Variants in SLC25A36 observed in about 807,000 individuals in gnomAD.
SLC25A36 encodes the protein solute carrier family 25 member 36.
SLC25A36 carries 24 observed loss-of-function variants against 35.3 expected under a neutral mutation model. The observed-to-expected ratio is 0.68, with a 90% CI of 0.49 to 0.96. SLC25A36 has a LOEUF of 0.96. Among genes scored for constraint, SLC25A36 ranks in the 40% least tolerant of loss-of-function variants. The pLI is 0.00. For synonymous variants in SLC25A36, 141 were observed against 132.2 expected, an observed-to-expected ratio of 1.07 and a Z score of -0.46; for missense variants, 294 against 381.1, an observed-to-expected ratio of 0.77 and a Z score of 1.90.
chr3:140,960,973 C>G (rs376882855), intron 3 of SLC25A36, among the ~76,000 whole-genome samples: 3 of 152,252 alleles, frequency 2.0e-5, no homozygotes, highest in African/African-American at 7.2e-5. Flanking sequence ...AACATAACTT[C>G]GTCATTTTTC....
Position 140,977,578 on chromosome 3 carries a change from C to T in SLC25A36, c.*1125C>T, listed in dbSNP as rs1935080519. The T allele has an allele frequency of 6.6e-6, 1 of 152,078 alleles. No homozygotes were observed. Among genetic ancestry groups the T allele is most frequent in the African/African-American group, 2.4e-5 (1 of 41,420 alleles). The allele number at this position is 152,078 out of a possible 1,614,324, so 9.4% of individuals were successfully genotyped here. ...CAAGAAATTTATTCTGTCCTAGTTT[C>T]CTGCGTGGTAAATCATAGAAAGATT... On this transcript the variant is annotated 3_prime_UTR_variant, in exon 7 of 7. Transcript: ENST00000324194.
rs1935130908 is a variant in SLC25A36 at position 140,979,307 on chromosome 3, A to AAT, written c.*2854_*2855insAT. The AAT allele has an allele frequency of 6.6e-6, 1 of 152,176 alleles. No individual in the cohort carries two copies. The allele number at this position is 152,176 out of a possible 1,614,324, so 9.4% of individuals were successfully genotyped here. A position where few individuals can be genotyped will look rare whatever the true frequency, so the allele number is the denominator to read the frequency against. On this transcript the variant is annotated 3_prime_UTR_variant, in exon 7 of 7. Coordinates refer to ENST00000324194, the MANE Select transcript of SLC25A36 (RefSeq NM_001104647.3). ...GGGTTACAGACATTTCAGCATTTTT[A>AAT]GGTTGGTTTTAAATCACTAAAAATA...
chr3:140,977,936 A>G lies in SLC25A36; in HGVS notation c.*1483A>G, dbSNP rs1407949867. The G allele has an allele frequency of 1.3e-5, 2 of 152,088 alleles. No homozygotes were observed. The highest frequency in any genetic ancestry group is 2.9e-5 in the Non-Finnish European group (2 of 68,002). 9.4% of individuals were successfully genotyped at this position (152,088 alleles called of 1,614,324 possible). ...GAGAATACCATGTTAAGATTAAAAA[A>G]AAAAACAAAAACATTGGTCACGTAT... is the stretch of plus-strand genomic sequence containing the variant. On this transcript the variant is annotated 3_prime_UTR_variant, in exon 7 of 7. Transcript: ENST00000324194.
rs1039646296 is a variant in SLC25A36 at position 140,941,998 on chromosome 3, A to G, written c.-57A>G. The G allele has an allele frequency of 7.5e-6, 7 of 935,654 alleles. No individual in the cohort carries two copies. Among genetic ancestry groups the G allele is most frequent in the Non-Finnish European group, 1.0e-5 (6 of 600,606 alleles). The allele number at this position is 935,654 out of a possible 1,614,324, so 58.0% of individuals were successfully genotyped here. ...GTCCGGGACCGAAGCCGCCTGCCGT[A>G]GCGGGCGGCCAGATCCGCGTCCCGC... On this transcript the variant is annotated 5_prime_UTR_variant, in exon 1 of 7. Transcript: ENST00000324194.
At chr3:140,975,258 C>T (rs1012946249) in intron 6 of SLC25A36, among the ~76,000 whole-genome samples, 1 of 151,486 alleles carries the variant, frequency 6.6e-6, no homozygotes, top group Admixed American at 6.6e-5. Context: ...TGAGCTCAGG[C>T]CACTATGCCC....
intron 1 of SLC25A36, among the ~76,000 whole-genome samples, chr3:140,956,262 G>T (rs1934475111): frequency 1.3e-5 from 2 of 152,156 alleles, no homozygotes; most frequent in South Asian, 4.1e-4. Flanking sequence ...TACAATTTTA[G>T]TAACAGCACC....
In SLC25A36 at chr3:140,976,326, T is replaced by C; in HGVS notation, c.809T>C (p.Leu270Ser). Residue 270 changes from leucine to serine, a missense_variant, in exon 7 of 7, where the codon TTG becomes TCG. This residue lies in a region of SLC25A36 where 109 missense variants were observed against 179.7 expected (regional missense o/e 0.61). Coordinates refer to ENST00000324194, the MANE Select transcript of SLC25A36 (RefSeq NM_001104647.3). ...KYRSFFQTLS[L>S]LVQEEGYGSL... ...AGATCTTTTTTTCAGACTCTATCTTTGCTTGTTCAAGAAGAAGGTTATGGG... is the reference window on the plus strand; with the variant it reads ...AGATCTTTTTTTCAGACTCTATCTTCGCTTGTTCAAGAAGAAGGTTATGGG... 6.2e-7 allele frequency: 1 copy of C among 1,613,800 alleles called. No individual in the cohort carries two copies. The highest frequency in any genetic ancestry group is 8.5e-7 in the Non-Finnish European group (1 of 1,179,850).
At chr3:140,968,796 T>C in intron 4 of SLC25A36, 2 of 672,398 alleles carry the variant, frequency 3.0e-6, no homozygotes, top group South Asian at 6.7e-5. Context: ...ACTTAGGTGC[T>C]CATCTTCTTT....
chr3:140,979,669 C>T lies in SLC25A36; in HGVS notation c.*3216C>T, dbSNP rs1935139699. 1.3e-5 allele frequency: 2 copies of T among 152,086 alleles called. No individual in the cohort carries two copies. The highest frequency in any genetic ancestry group is 4.1e-4 in the South Asian group (2 of 4,822). 9.4% of individuals were successfully genotyped at this position (152,086 alleles called of 1,614,324 possible). On this transcript the variant is annotated 3_prime_UTR_variant, in exon 7 of 7. Coordinates refer to ENST00000324194, the MANE Select transcript of SLC25A36 (RefSeq NM_001104647.3). ...CCTACACACTGATTTTTATGCTACTCCTTGTAGAAACAAAATTCTGGTTTG... is the reference window on the plus strand; with the variant it reads ...CCTACACACTGATTTTTATGCTACTTCTTGTAGAAACAAAATTCTGGTTTG...
At chr3:140,972,148 C>T (rs753084162) in intron 5 of SLC25A36, among the ~76,000 whole-genome samples, 2 of 152,186 alleles carry the variant, frequency 1.3e-5, no homozygotes, top group Non-Finnish European at 2.9e-5. Flanking sequence ...GTACAAGATG[C>T]TAGTCCACAT....
rs575484113 is a variant in SLC25A36 at position 140,977,874 on chromosome 3, T to G, written c.*1421T>G. ...AGAATGACGCTTCGTGAAAGCACTT[T>G]GTGGCCTTTTTTGGGGGGGAGGGTG... is the stretch of plus-strand genomic sequence containing the variant. On this transcript the variant is annotated 3_prime_UTR_variant, in exon 7 of 7. Transcript: ENST00000324194. 6.6e-6 allele frequency: 1 copy of G among 151,944 alleles called. No homozygotes were observed. Among genetic ancestry groups the G allele is most frequent in the Non-Finnish European group, 1.5e-5 (1 of 67,982 alleles). The allele number at this position is 151,944 out of a possible 1,614,324, so 9.4% of individuals were successfully genotyped here.
At position 140,971,079 on chromosome 3, in the gene SLC25A36, ATTTG is replaced by A. The variant is rs1187801142; in HGVS notation, c.452+93_452+96del. ...AAGTTTTTCTTTCCTTTGCTGCTGAATTTGTTTGTTGTTGTAGTTTAATTTTGAA... is the reference window on the plus strand; with the variant it reads ...AAGTTTTTCTTTCCTTTGCTGCTGAATTTGTTGTTGTAGTTTAATTTTGAA... On this transcript the variant is annotated intron_variant, in intron 5 of 6. Transcript: ENST00000324194. 1.8e-5 allele frequency: 12 copies of A among 652,086 alleles called. No homozygotes were observed. The Admixed American group carries it at 2.7e-4, about 15-fold the overall frequency. 40.4% of individuals were successfully genotyped at this position (652,086 alleles called of 1,614,324 possible).
chr3:140,971,402 C>CT (rs111248313), intron 5 of SLC25A36, among the ~76,000 whole-genome samples: 4,614 of 152,206 alleles, frequency 0.03, 227 homozygotes, highest in African/African-American at 0.11. Flanking sequence ...ATTTAGTGAC[C>CT]TTGTGAATAG....
At chr3:140,962,671 C>T (rs980283326) in intron 3 of SLC25A36, among the ~76,000 whole-genome samples, 1 of 152,058 alleles carries the variant, frequency 6.6e-6, no homozygotes, top group Non-Finnish European at 1.5e-5. Context: ...AGTGCTCATA[C>T]CATATCTACT....
intron 1 of SLC25A36, among the ~76,000 whole-genome samples, chr3:140,953,832 T>TG (rs894665830): frequency 6.6e-6 from 1 of 152,160 alleles, no homozygotes; most frequent in African/African-American, 2.4e-5. Flanking sequence ...TAGCTGTGCA[T>TG]GGTGGCATGT....
intron 5 of SLC25A36, among the ~76,000 whole-genome samples, chr3:140,972,057 G>A (rs539324766): frequency 4.5e-4 from 68 of 152,110 alleles, no homozygotes; most frequent in Non-Finnish European, 8.7e-4. Flanking sequence ...CTTAAGTGTT[G>A]TAGCAAAACT....
intron 1 of SLC25A36, among the ~76,000 whole-genome samples, chr3:140,943,723 C>T (rs1934085636): frequency 6.6e-6 from 1 of 152,224 alleles, no homozygotes; most frequent in South Asian, 2.1e-4. Flanking sequence ...TAAAGCCCTT[C>T]TCTAGCTCCT....
Position 140,956,703 on chromosome 3 carries a change from G to C in SLC25A36, c.206+12G>C. On this transcript the variant is annotated intron_variant, in intron 2 of 6. Coordinates refer to ENST00000324194, the MANE Select transcript of SLC25A36 (RefSeq NM_001104647.3). ...CTTCATTGCCTAAAGTGAGAGCATA[G>C]TATTCAGGAGTGTTTTTTAGTTTGT... 1.9e-6 allele frequency: 3 copies of C among 1,569,542 alleles called. No individual in the cohort carries two copies. Among genetic ancestry groups the C allele is most frequent in the Non-Finnish European group, 2.6e-6 (3 of 1,156,514 alleles).
At chr3:140,972,301 C>T (rs1439536594) in intron 5 of SLC25A36, among the ~76,000 whole-genome samples, 1 of 151,890 alleles carries the variant, frequency 6.6e-6, no homozygotes, top group Non-Finnish European at 1.5e-5. Context: ...AATTCTTAGG[C>T]TTGTGGGGTT....
Sources: allele counts gnomAD v4.1 joint callset (sites outside exome capture counted in the v4.1 genomes callset), GRCh38; gene constraint gnomAD v4.1.1; regional missense constraint gnomAD v4.1.1; transcripts MANE v1.5; gene names NCBI Gene and HGNC (gene_info 2026-07-23, HGNC 2026-07-21).